The following TMEM81 variants were observed in gnomAD, a reference collection of about 807,000 sequenced individuals.
TMEM81 encodes transmembrane protein 81.
For synonymous variants in TMEM81, 132 were observed against 119.1 expected (o/e 1.11, Z -0.71); for missense variants, 294 against 300.5 (o/e 0.98, Z 0.16).
rs750089997 is a variant in TMEM81 at position 205,083,634 on chromosome 1, T to C, written c.687A>G (p.Gly229=). The change falls in exon 1 of 1, where the codon GGA becomes GGG. Residue 229 remains glycine (G), a synonymous_variant. Transcript: ENST00000367167. ...KWKKKVASAL[G]IGIAIGVVGG... is the part of the protein sequence containing the mutation. ...CAACCACTCCAATGGCAATTCCTAT[T>C]CCCAAGGCTGACGCCACCTTCTTTT... The C allele has an allele frequency of 6.2e-7, 1 of 1,614,212 alleles. No homozygotes were observed. The highest frequency in any genetic ancestry group is 8.5e-7 in the Non-Finnish European group (1 of 1,180,042).
Position 205,083,380 on chromosome 1 carries a change from G to T in TMEM81, c.*173C>A. 2 of 692,492 alleles carry T rather than the reference G, an allele frequency of 2.9e-6. No homozygotes were observed. The highest frequency in any genetic ancestry group is 1.8e-5 in the African/African-American group (1 of 55,888). 42.9% of individuals were successfully genotyped at this position (692,492 alleles called of 1,614,324 possible). A position where few individuals can be genotyped will look rare whatever the true frequency, so the allele number is the denominator to read the frequency against. On this transcript the variant is annotated 3_prime_UTR_variant, in exon 1 of 1. Transcript: ENST00000367167. ...GGACATAAGGAAGTTAGGTTACTGC[G>T]CATAGCTCCCAGGAGATTGTCCCCT...
chr1:205,083,300 T>A lies in TMEM81; in HGVS notation c.*253A>T. On this transcript the variant is annotated 3_prime_UTR_variant, in exon 1 of 1. Coordinates refer to ENST00000367167, the MANE Select transcript of TMEM81 (RefSeq NM_203376.2). ...GAACTCTTCCCAGGAACACAGGCAA[T>A]GCTTGCAGTTTCCTGGGTACCCAAT... The A allele has an allele frequency of 4.3e-6, 2 of 464,042 alleles. No homozygotes were observed. Among genetic ancestry groups the A allele is most frequent in the Non-Finnish European group, 7.6e-6 (2 of 264,044 alleles). The allele number at this position is 464,042 out of a possible 1,614,324, so 28.7% of individuals were successfully genotyped here. A position where few individuals can be genotyped will look rare whatever the true frequency, so the allele number is the denominator to read the frequency against.
In TMEM81 at chr1:205,083,716, T is replaced by C; in HGVS notation, c.605A>G (p.Asp202Gly). ...QSLTEDQKLI[D>G]EGLEVNLDSY... Reference sequence around the variant, plus strand: ...GTCCAGATTAACTTCCAATCCCTCATCTATTAACTTCTGATCCTCAGTAAG... The same window carrying C: ...GTCCAGATTAACTTCCAATCCCTCACCTATTAACTTCTGATCCTCAGTAAG... Residue 202 changes from aspartate to glycine, a missense_variant, in exon 1 of 1, where the codon GAT (aspartate) becomes GGT (glycine). Asp to Gly is a moderately conservative substitution (Grantham distance 94, BLOSUM62 -1). Transcript: ENST00000367167. 1 of 1,614,206 alleles carries C rather than the reference T, an allele frequency of 6.2e-7. No homozygotes were observed. The highest frequency in any genetic ancestry group is 1.1e-5 in the South Asian group (1 of 91,086).
rs35679882 is a variant in TMEM81, at chr1:205,083,895, G to C, written c.426C>G (p.Ser142=). 8.6e-4 allele frequency: 1,393 copies of C among 1,614,172 alleles called. 13 individuals carry two copies. The African/African-American group carries it at 0.016, about 18-fold the overall frequency. Residue 142 remains serine, a synonymous_variant, in exon 1 of 1, where the codon TCC becomes TCG. Coordinates refer to ENST00000367167, the MANE Select transcript of TMEM81 (RefSeq NM_203376.2). ...GAGCATATTTAAACTTCACAAAGTGGGAGTTGGCTTGAAAGGGTTTGAAGA... is the reference window on the plus strand; with the variant it reads ...GAGCATATTTAAACTTCACAAAGTGCGAGTTGGCTTGAAAGGGTTTGAAGA... ...DEVFKPFQAN[S]HFVKFKYAQE...
Position 205,084,094 on chromosome 1 carries a change from G to C in TMEM81, c.227C>G (p.Thr76Ser), listed in dbSNP as rs1482281995. The C allele has an allele frequency of 1.2e-6, 2 of 1,614,198 alleles. No homozygotes were observed. Among genetic ancestry groups the C allele is most frequent in the Non-Finnish European group, 1.7e-6 (2 of 1,180,042 alleles). The change falls in exon 1 of 1, where the codon ACT (threonine) becomes AGT (serine). Residue 76 changes from threonine to serine, a missense_variant. Thr to Ser is a moderately conservative substitution (Grantham distance 58, BLOSUM62 1). Coordinates refer to ENST00000367167, the MANE Select transcript of TMEM81 (RefSeq NM_203376.2). ...GPDGVRRKCQ[T>S]RRLECLTNWI... ...GTTGGTCAGACATTCTAAGCGCCGA[G>C]TCTGACATTTCCTTCTCACTCCATC... is the stretch of plus-strand genomic sequence containing the variant.
chr1:205,083,909 A>T lies in TMEM81; in HGVS notation c.412T>A (p.Phe138Ile), dbSNP rs768895809. 1 of 1,614,196 alleles carries T rather than the reference A, an allele frequency of 6.2e-7. No homozygotes were observed. Among genetic ancestry groups the T allele is most frequent in the Non-Finnish European group, 8.5e-7 (1 of 1,180,030 alleles). The change falls in exon 1 of 1, where the codon TTT (phenylalanine) becomes ATT (isoleucine). Residue 138 changes from phenylalanine (F) to isoleucine (I), a missense_variant. By Grantham distance (21) the Phe-to-Ile change is conservative. Transcript: ENST00000367167. ...ISTDDEVFKPFQANSHFVKFK... is the reference protein window; with the variant it reads ...ISTDDEVFKPIQANSHFVKFK... Reference sequence around the variant, plus strand: ...TTCACAAAGTGGGAGTTGGCTTGAAAGGGTTTGAAGACCTCATCGTCAGTG... The same window carrying T: ...TTCACAAAGTGGGAGTTGGCTTGAATGGGTTTGAAGACCTCATCGTCAGTG...
rs1655071328 is a variant in TMEM81, at chr1:205,084,036, G to A, written c.285C>T (p.Leu95=). The A allele has an allele frequency of 6.2e-7, 1 of 1,614,116 alleles. No individual in the cohort carries two copies. The highest frequency in any genetic ancestry group is 8.5e-7 in the Non-Finnish European group (1 of 1,180,056). ...WICGMLHFTI[L]IGKEFELSCL... is the part of the protein sequence containing the mutation. ...AGCTAAGCTCAAATTCCTTGCCAAT[G>A]AGAATGGTGAAATGGAGCATCCCAC... is the stretch of plus-strand genomic sequence containing the variant. Residue 95 remains leucine, a synonymous_variant, in exon 1 of 1, where the codon CTC becomes CTT. Transcript: ENST00000367167.
At position 205,084,044 on chromosome 1, in the gene TMEM81, T is replaced by G; in HGVS notation, c.277A>C (p.Thr93Pro). The change falls in exon 1 of 1, where the codon ACC (threonine) becomes CCC (proline). Residue 93 changes from threonine to proline, a missense_variant. Physicochemically the swap from Thr to Pro is conservative, Grantham distance 38. Transcript: ENST00000367167. ...TCAAATTCCTTGCCAATGAGAATGG[T>G]GAAATGGAGCATCCCACAGATCCAG... ...TNWICGMLHF[T>P]ILIGKEFELS... 1 of 1,614,186 alleles carries G rather than the reference T, an allele frequency of 6.2e-7. No individual in the cohort carries two copies. Among genetic ancestry groups the G allele is most frequent in the Non-Finnish European group, 8.5e-7 (1 of 1,180,036 alleles).
In TMEM81 at chr1:205,083,212, GGGGAAATGGAGGT is replaced by G; in HGVS notation, c.*328_*340del. The G allele has an allele frequency of 3.7e-6, 1 of 272,260 alleles. No individual in the cohort carries two copies. Among genetic ancestry groups the G allele is most frequent in the East Asian group, 7.2e-5 (1 of 13,826 alleles). The allele number at this position is 272,260 out of a possible 1,614,324, so 16.9% of individuals were successfully genotyped here. On this transcript the variant is annotated 3_prime_UTR_variant, in exon 1 of 1. Transcript: ENST00000367167. ...CTACATGAATACACAGCTCAGAAGA[GGGGAAATGGAGGT>G]GGGGAGGCATCCAAGTCATAAAGGG...
chr1:205,083,787 C>G lies in TMEM81; in HGVS notation c.534G>C (p.Leu178Phe). ...TCACCAAGTTAGGAGGAAGGACCCT[C>G]AACCCAAAATAGAGCCTCTTGACGA... ...LRLVKRLYFG[L>F]RVLPPNLVNL... is the part of the protein sequence containing the mutation. Residue 178 changes from leucine (L) to phenylalanine (F), a missense_variant, in exon 1 of 1, where the codon TTG becomes TTC. By Grantham distance (22) the Leu-to-Phe change is conservative. Coordinates refer to ENST00000367167, the MANE Select transcript of TMEM81 (RefSeq NM_203376.2). The G allele has an allele frequency of 6.2e-7, 1 of 1,614,252 alleles. No homozygotes were observed. The highest frequency in any genetic ancestry group is 1.7e-5 in the Admixed American group (1 of 60,034).
In TMEM81 at chr1:205,084,381, C is replaced by T. The variant is rs1350592043; in HGVS notation, c.-61G>A. On this transcript the variant is annotated 5_prime_UTR_variant, in exon 1 of 1. An upstream open reading frame in the 5' UTR loses its in-frame stop. Transcript: ENST00000367167. Reference sequence around the variant, plus strand: ...CCACAAGGTATTCCAGCTGAATCCTCTATAAATCATAACTTGATTCCTTTG... The same window carrying T: ...CCACAAGGTATTCCAGCTGAATCCTTTATAAATCATAACTTGATTCCTTTG... The T allele has an allele frequency of 6.6e-7, 1 of 1,518,344 alleles. No individual in the cohort carries two copies. The highest frequency in any genetic ancestry group is 1.4e-5 in the African/African-American group (1 of 71,802). The allele number at this position is 1,518,344 out of a possible 1,614,324, so 94.1% of individuals were successfully genotyped here. A position where few individuals can be genotyped will look rare whatever the true frequency, so the allele number is the denominator to read the frequency against.
Position 205,083,729 on chromosome 1 carries a change from G to A in TMEM81, c.592C>T (p.Gln198Ter), listed in dbSNP as rs991451457. 11 of 1,614,046 alleles carry A rather than the reference G, an allele frequency of 6.8e-6. No individual in the cohort carries two copies. The highest frequency in any genetic ancestry group is 8.5e-6 in the Non-Finnish European group (10 of 1,180,046). Residue 198 changes from glutamine (Q) to a stop codon, truncating the protein, a stop_gained, in exon 1 of 1, where the codon CAG (glutamine) becomes TAG (stop). Transcript: ENST00000367167. LOFTEE classifies it low-confidence loss of function (END_TRUNC). Reference protein sequence around the residue: ...LNFHQSLTEDQKLIDEGLEVN... With the variant: ...LNFHQSLTED Reference sequence around the variant, plus strand: ...TCCAATCCCTCATCTATTAACTTCTGATCCTCAGTAAGTGACTGATGGAAA... The same window carrying A: ...TCCAATCCCTCATCTATTAACTTCTAATCCTCAGTAAGTGACTGATGGAAA...
chr1:205,083,300 T>C lies in TMEM81; in HGVS notation c.*253A>G, dbSNP rs2151206197. The C allele has an allele frequency of 2.2e-6, 1 of 464,042 alleles. No individual in the cohort carries two copies. The highest frequency in any genetic ancestry group is 2.0e-5 in the African/African-American group (1 of 51,246). 28.7% of individuals were successfully genotyped at this position (464,042 alleles called of 1,614,324 possible). A position where few individuals can be genotyped will look rare whatever the true frequency, so the allele number is the denominator to read the frequency against. On this transcript the variant is annotated 3_prime_UTR_variant, in exon 1 of 1. Transcript: ENST00000367167. ...GAACTCTTCCCAGGAACACAGGCAA[T>C]GCTTGCAGTTTCCTGGGTACCCAAT...
chr1:205,084,059 C>T lies in TMEM81; in HGVS notation c.262G>A (p.Gly88Arg), dbSNP rs1398906267. Reference protein sequence around the residue: ...RLECLTNWICGMLHFTILIGK... With the variant: ...RLECLTNWICRMLHFTILIGK... ...ATGAGAATGGTGAAATGGAGCATCC[C>T]ACAGATCCAGTTGGTCAGACATTCT... The change falls in exon 1 of 1, where the codon GGG (glycine) becomes AGG (arginine). Residue 88 changes from glycine to arginine, a missense_variant. Gly to Arg is a moderately radical substitution (Grantham distance 125). Coordinates refer to ENST00000367167, the MANE Select transcript of TMEM81 (RefSeq NM_203376.2). 6.2e-7 allele frequency: 1 copy of T among 1,614,100 alleles called. No homozygotes were observed. Among genetic ancestry groups the T allele is most frequent in the African/African-American group, 1.3e-5 (1 of 74,912 alleles).
Position 205,083,981 on chromosome 1 carries a change from G to C in TMEM81, c.340C>G (p.Gln114Glu), listed in dbSNP as rs1275073235. 1 of 1,614,208 alleles carries C rather than the reference G, an allele frequency of 6.2e-7. No homozygotes were observed. The highest frequency in any genetic ancestry group is 8.5e-7 in the Non-Finnish European group (1 of 1,180,042). ...CLSSDILEFGQEAFRFTWRLA... is the reference protein window; with the variant it reads ...CLSSDILEFGEEAFRFTWRLA... ...CTCCAGGTGAACCGGAAAGCTTCCT[G>C]TCCAAACTCCAAGATGTCTGAACTC... The change falls in exon 1 of 1, where the codon CAG (glutamine) becomes GAG (glutamate). Residue 114 changes from glutamine (Q) to glutamate (E), a missense_variant. Transcript: ENST00000367167.
rs12028064 is a variant in TMEM81, at chr1:205,083,164, C to T, written c.*389G>A. The T allele has an allele frequency of 5.7e-6, 1 of 176,148 alleles. No homozygotes were observed. Among genetic ancestry groups the T allele is most frequent in the Non-Finnish European group, 1.2e-5 (1 of 84,730 alleles). 10.9% of individuals were successfully genotyped at this position (176,148 alleles called of 1,614,324 possible). ...TACTTTTATTGAAAAAAAATGTTCA[C>T]TAAAAAGGCTGAATACATCCCTCTA... On this transcript the variant is annotated 3_prime_UTR_variant, in exon 1 of 1. Transcript: ENST00000367167.
At position 205,083,263 on chromosome 1, in the gene TMEM81, G is replaced by C. The variant is rs1216124652; in HGVS notation, c.*290C>G. 1 of 381,456 alleles carries C rather than the reference G, an allele frequency of 2.6e-6. No homozygotes were observed. Among genetic ancestry groups the C allele is most frequent in the East Asian group, 4.3e-5 (1 of 23,464 alleles). 23.6% of individuals were successfully genotyped at this position (381,456 alleles called of 1,614,324 possible). A position where few individuals can be genotyped will look rare whatever the true frequency, so the allele number is the denominator to read the frequency against. Reference sequence around the variant, plus strand: ...AAGTCATAAAGGGTAGAAAATGAATGCAAGCTTCTTAGAACTCTTCCCAGG... The same window carrying C: ...AAGTCATAAAGGGTAGAAAATGAATCCAAGCTTCTTAGAACTCTTCCCAGG... On this transcript the variant is annotated 3_prime_UTR_variant, in exon 1 of 1. Coordinates refer to ENST00000367167, the MANE Select transcript of TMEM81 (RefSeq NM_203376.2).
Position 205,083,807 on chromosome 1 carries a change from T to G in TMEM81, c.514A>C (p.Lys172Gln). Residue 172 changes from lysine (K) to glutamine (Q), a missense_variant, in exon 1 of 1, where the codon AAG becomes CAG. By Grantham distance (53) the Lys-to-Gln change is moderately conservative (BLOSUM62 1). Coordinates refer to ENST00000367167, the MANE Select transcript of TMEM81 (RefSeq NM_203376.2). ...VQLVKNLRLV[K>Q]RLYFGLRVLP... ...ACCCTCAACCCAAAATAGAGCCTCT[T>G]GACGAGTCTCAAGTTTTTTACCAGC... is the stretch of plus-strand genomic sequence containing the variant. 6.2e-7 allele frequency: 1 copy of G among 1,614,200 alleles called. No homozygotes were observed. The highest frequency in any genetic ancestry group is 2.2e-5 in the East Asian group (1 of 44,874).
At position 205,083,937 on chromosome 1, in the gene TMEM81, G is replaced by C. The variant is rs902324693; in HGVS notation, c.384C>G (p.Ile128Met). The C allele has an allele frequency of 2.5e-6, 4 of 1,614,200 alleles. No homozygotes were observed. Among genetic ancestry groups the C allele is most frequent in the Non-Finnish European group, 3.4e-6 (4 of 1,180,036 alleles). ...GTTTGAAGACCTCATCGTCAGTGGAGATGACACCTCGAGCAAGTCTCCAGG... is the reference window on the plus strand; with the variant it reads ...GTTTGAAGACCTCATCGTCAGTGGACATGACACCTCGAGCAAGTCTCCAGG... ...RFTWRLARGV[I>M]STDDEVFKPF... The change falls in exon 1 of 1, where the codon ATC becomes ATG. Residue 128 changes from isoleucine (I) to methionine (M), a missense_variant. By Grantham distance (10) the Ile-to-Met change is conservative. Coordinates refer to ENST00000367167, the MANE Select transcript of TMEM81 (RefSeq NM_203376.2).
Sources: allele counts gnomAD v4.1 joint callset, GRCh38; gene constraint gnomAD v4.1.1; transcripts MANE v1.5; gene names NCBI Gene and HGNC (gene_info 2026-07-23, HGNC 2026-07-21).